Variants in OSBPL10 observed in about 807,000 individuals in gnomAD.
OSBPL10 encodes oxysterol-binding protein-related protein 10.
OSBPL10 carries 49 observed loss-of-function variants against 81.7 expected under a neutral mutation model. That is an observed-to-expected ratio of 0.60 (90% CI 0.48 to 0.76). The LOEUF (loss-of-function observed/expected upper bound fraction) is 0.76. OSBPL10 is among the 30% of genes least tolerant of loss of function. The probability of loss-of-function intolerance (pLI) is 0.00; values close to 1 mark genes in which losing one functional copy is unlikely to be tolerated. For synonymous variants in OSBPL10, 419 were observed against 383.6 expected (o/e 1.09, Z -1.08); for missense variants, 923 against 987.8 (o/e 0.93, Z 0.88).
intron 8 of OSBPL10, among the ~76,000 whole-genome samples, chr3:31,677,848 G>A (rs528807997): frequency 2.0e-5 from 3 of 149,806 alleles, no homozygotes; most frequent in African/African-American, 7.6e-5. Flanking sequence ...TTGGGAGGCC[G>A]AGGCGGGTGG....
intron 1 of OSBPL10, among the ~76,000 whole-genome samples, chr3:31,975,582 G>C (rs1698674720): frequency 6.6e-6 from 1 of 152,176 alleles, no homozygotes. Flanking sequence ...TGGGTGAGTT[G>C]TGGTGGGCCC....
chr3:31,734,418 A>G (rs1575508768), intron 5 of OSBPL10, among the ~76,000 whole-genome samples: 2 of 152,214 alleles, frequency 1.3e-5, no homozygotes, highest in Middle Eastern at 6.8e-3. Context: ...GGATTTCTTT[A>G]CCCCATAGCA....
intron 7 of OSBPL10, among the ~76,000 whole-genome samples, chr3:31,685,466 C>G (rs1397173619): frequency 3.9e-5 from 6 of 152,172 alleles, no homozygotes; most frequent in Non-Finnish European, 7.3e-5. Context: ...GCCTCCCAAA[C>G]AGTTATCGGG....
At chr3:32,007,799 C>T (rs772529289) in intron 2 of OSBPL10, among the ~76,000 whole-genome samples, 2 of 152,026 alleles carry the variant, frequency 1.3e-5, no homozygotes, top group Non-Finnish European at 2.9e-5. Context: ...CTCCATCTCC[C>T]GAGTTCAAGC....
At chr3:31,874,525 A>G (rs966110755) in intron 3 of OSBPL10, among the ~76,000 whole-genome samples, 31 of 152,186 alleles carry the variant, frequency 2.0e-4, no homozygotes, top group Non-Finnish European at 7.4e-5. Flanking sequence ...AATCAAGAGG[A>G]AAAAATGAGC....
chr3:32,040,337 G>A (rs370438728), intron 2 of OSBPL10, among the ~76,000 whole-genome samples: 4 of 152,264 alleles, frequency 2.6e-5, no homozygotes, highest in East Asian at 3.9e-4. Context: ...AACCTGGGAG[G>A]CAGAGGTTGC....
chr3:31,725,232 C>G (rs17028124), intron 6 of OSBPL10, among the ~76,000 whole-genome samples: 14,882 of 152,194 alleles, frequency 0.098, 1,801 homozygotes, highest in African/African-American at 0.29. Context: ...GATGAATCAT[C>G]ACTGTTTAAC....
chr3:31,965,203 A>G (rs1698284124), intron 1 of OSBPL10, among the ~76,000 whole-genome samples: 1 of 150,946 alleles, frequency 6.6e-6, no homozygotes, highest in African/African-American at 2.4e-5. Flanking sequence ...TCCCGTCTCT[A>G]CTAAAAATAC....
At chr3:31,907,631 A>C (rs1467671240) in intron 1 of OSBPL10, among the ~76,000 whole-genome samples, 6 of 147,856 alleles carry the variant, frequency 4.1e-5, no homozygotes, top group African/African-American at 1.5e-4. Flanking sequence ...AAAAAAAAAA[A>C]AAAAAAAAAA....
intron 6 of OSBPL10, among the ~76,000 whole-genome samples, chr3:31,726,031 G>A (rs1052304365): frequency 6.6e-5 from 10 of 152,136 alleles, no homozygotes; most frequent in African/African-American, 2.4e-4. Flanking sequence ...ACCTGCTTGG[G>A]GTACATCGGG....
chr3:31,913,539 C>T (rs528509611), intron 1 of OSBPL10, among the ~76,000 whole-genome samples: 17 of 152,294 alleles, frequency 1.1e-4, no homozygotes, highest in African/African-American at 3.6e-4. Context: ...TGAGCCACCA[C>T]GCCCGGCCCA....
chr3:31,780,968 C>G, intron 4 of OSBPL10, among the ~76,000 whole-genome samples: 1 of 151,986 alleles, frequency 6.6e-6, no homozygotes, highest in East Asian at 1.9e-4. Context: ...ATTTATAAAG[C>G]CAGAATCATC....
chr3:31,863,751 T>C (rs1701111107), intron 3 of OSBPL10, among the ~76,000 whole-genome samples: 1 of 152,216 alleles, frequency 6.6e-6, no homozygotes, highest in Admixed American at 6.5e-5. Context: ...TGCTTGTTAC[T>C]CATGACTGAT....
At chr3:31,776,838 G>A (rs1188537197) in intron 4 of OSBPL10, among the ~76,000 whole-genome samples, 1 of 152,112 alleles carries the variant, frequency 6.6e-6, no homozygotes, top group Admixed American at 6.6e-5. Context: ...TTCTTGGGGT[G>A]ATGAAAATGC....
Position 31,951,732 on chromosome 3 carries a change from T to C in OSBPL10, c.281+29167A>G, listed in dbSNP as rs577827754. ...TTAATTTAAACTATATAATTATATATTTAAATTATATGGAGTATTTATTAT... is the reference window on the plus strand; with the variant it reads ...TTAATTTAAACTATATAATTATATACTTAAATTATATGGAGTATTTATTAT... On this transcript the variant is annotated intron_variant, in intron 1 of 11. Coordinates refer to ENST00000396556, the MANE Select transcript of OSBPL10 (RefSeq NM_017784.5). Among the ~76,000 whole-genome samples the C allele has an allele frequency of 2.6e-5, 4 of 151,112 alleles. No homozygotes were observed. The South Asian group carries it at 8.3e-4, about 31-fold the overall frequency.
intron 4 of OSBPL10, among the ~76,000 whole-genome samples, chr3:31,759,184 A>G (rs1697965161): frequency 6.6e-6 from 1 of 152,222 alleles, no homozygotes; most frequent in Admixed American, 6.5e-5. Context: ...TTTTCAAAGA[A>G]AATGCCACTG....
chr3:31,674,573 G>A (rs944490382), intron 8 of OSBPL10, among the ~76,000 whole-genome samples: 2 of 146,298 alleles, frequency 1.4e-5, no homozygotes, highest in South Asian at 4.4e-4. Flanking sequence ...TAGATAGACA[G>A]ATAGATAGAT....
intron 1 of OSBPL10, among the ~76,000 whole-genome samples, chr3:31,896,348 G>T (rs897646684): frequency 1.3e-5 from 2 of 152,184 alleles, no homozygotes; most frequent in African/African-American, 2.4e-5. Context: ...ATATTCCACA[G>T]AATCTAATCA....
At chr3:31,765,484 A>G (rs899539179) in intron 4 of OSBPL10, among the ~76,000 whole-genome samples, 7 of 111,702 alleles carry the variant, frequency 6.3e-5, no homozygotes, top group African/African-American at 2.0e-4. Flanking sequence ...AGCTGAAAGC[A>G]TGAGTGAGTG....
Sources: allele counts gnomAD v4.1 joint callset (sites outside exome capture counted in the v4.1 genomes callset), GRCh38; gene constraint gnomAD v4.1.1; transcripts MANE v1.5; gene names NCBI Gene and HGNC (gene_info 2026-07-23, HGNC 2026-07-21).